Variants in MSR1 observed in about 807,000 individuals in gnomAD.
The protein encoded by MSR1 is macrophage scavenger receptor 1.
In MSR1, 53 loss-of-function variants were observed where a neutral mutation model predicts 47.2. The ratio of observed to expected loss-of-function variants is 1.12; its 90% CI spans 0.90 to 1.41. The LOEUF (loss-of-function observed/expected upper bound fraction) is 1.41, where lower values mean the gene tolerates loss of function less well. Ranked by LOEUF, MSR1 falls within the 40% of genes most tolerant of loss-of-function variation. MSR1 has a pLI of 0.00. For synonymous variants in MSR1, 239 were observed against 185.6 expected (o/e 1.29, Z -2.34); for missense variants, 786 against 546.9 (o/e 1.44, Z -4.36).
At chr8:16,127,867 T>C (rs888609107) in intron 8 of MSR1, among the ~76,000 whole-genome samples, 1 of 152,202 alleles carries the variant, frequency 6.6e-6, no homozygotes, top group Non-Finnish European at 1.5e-5. Flanking sequence ...AATATCTCCA[T>C]GGTGATTATT....
chr8:16,125,354 T>C (rs563972040), intron 8 of MSR1, among the ~76,000 whole-genome samples: 270 of 152,292 alleles, frequency 1.8e-3, no homozygotes, highest in African/African-American at 6.0e-3. Context: ...TTTATTAATT[T>C]ACAAAGAGAC....
At chr8:16,143,778 G>A (rs962671416) in intron 7 of MSR1, among the ~76,000 whole-genome samples, 167 bp from the exon 8 acceptor site, 4 of 151,924 alleles carry the variant, frequency 2.6e-5, no homozygotes, top group Non-Finnish European at 4.4e-5. Flanking sequence ...TATTACTTAG[G>A]AAGCTCCATT....
intron 8 of MSR1, among the ~76,000 whole-genome samples, chr8:16,128,842 A>G (rs1041864265): frequency 3.9e-5 from 6 of 152,144 alleles, no homozygotes; most frequent in African/African-American, 1.4e-4. Context: ...AAAATGACAT[A>G]AGTACTTACG....
intron 2 of MSR1, among the ~76,000 whole-genome samples, chr8:16,175,680 A>G (rs1388948232): frequency 6.6e-6 from 1 of 152,234 alleles, no homozygotes; most frequent in African/African-American, 2.4e-5. Flanking sequence ...TTTCTAAAGT[A>G]ACTATGCAAT....
chr8:16,120,940 T>A, intron 8 of MSR1: 1 of 346,706 alleles, frequency 2.9e-6, no homozygotes, highest in Non-Finnish European at 5.4e-6. Flanking sequence ...TTTCATACCA[T>A]TGAAAAATTA....
chr8:16,160,811 A>G (rs1467056963), intron 5 of MSR1, among the ~76,000 whole-genome samples: 1 of 151,964 alleles, frequency 6.6e-6, no homozygotes, highest in Non-Finnish European at 1.5e-5. Context: ...GTGGCACTTC[A>G]TTCTTCCACA....
At chr8:16,186,026 T>C (rs912664384) in intron 1 of MSR1, 23 of 754,062 alleles carry the variant, frequency 3.1e-5, no homozygotes, top group Non-Finnish European at 8.4e-6. Context: ...AAGAAATCCA[T>C]AACCTGCCAC....
chr8:16,112,035 A>C (rs1263372274), intron 9 of MSR1, among the ~76,000 whole-genome samples: 1 of 152,140 alleles, frequency 6.6e-6, no homozygotes, highest in Non-Finnish European at 1.5e-5. Context: ...GGGAGGGCTT[A>C]TGTTCTAGGT....
chr8:16,138,279 G>C (rs1417929964), intron 8 of MSR1, among the ~76,000 whole-genome samples: 1 of 152,240 alleles, frequency 6.6e-6, no homozygotes, highest in East Asian at 1.9e-4. Flanking sequence ...CCTCACACAA[G>C]TGTTGTATTG....
intron 8 of MSR1, among the ~76,000 whole-genome samples, chr8:16,138,930 TC>T (rs1800458103): frequency 2.0e-5 from 3 of 152,202 alleles, no homozygotes; most frequent in Admixed American, 2.0e-4. Context: ...CTTGGAATTT[TC>T]TCATCAGCAT....
rs965611078 is a variant in MSR1, at chr8:16,164,178, T to C, written c.704A>G (p.His235Arg). The change falls in exon 5 of 10, where the codon CAT (histidine) becomes CGT (arginine). Residue 235 changes from histidine (H) to arginine (R), a missense_variant. By Grantham distance (29) the His-to-Arg change is conservative. Coordinates refer to ENST00000262101, the MANE Select transcript of MSR1 (RefSeq NM_138715.3). ...TTCTCCTTTTATTTCCTGTTCCAAA[T>C]GCACTTGTTCTTCTTTCATAGCCAT... Reference protein sequence around the residue: ...EIMAMKEEQVHLEQEIKGEVK... With the variant: ...EIMAMKEEQVRLEQEIKGEVK... 4 of 1,612,234 alleles carry C rather than the reference T, an allele frequency of 2.5e-6. No homozygotes were observed. The highest frequency in any genetic ancestry group is 1.7e-5 in the Admixed American group (1 of 59,924).
intron 9 of MSR1, among the ~76,000 whole-genome samples, chr8:16,112,919 A>G (rs1056113177): frequency 7.7e-5 from 11 of 142,670 alleles, no homozygotes; most frequent in African/African-American, 2.9e-4. Flanking sequence ...GTAGGGATTG[A>G]TATTGATTAT....
At chr8:16,150,136 G>GTATATATATATATATA (rs1337193490) in intron 7 of MSR1, 95 bp downstream of exon 7, 6 of 190,188 alleles carry the variant, frequency 3.2e-5, no homozygotes, top group African/African-American at 2.4e-4. Flanking sequence ...GTATGTGTGT[G>GTATATATATATATATA]TGTGTATATA....
At position 16,151,239 on chromosome 8, in the gene MSR1, C is replaced by T. The variant is rs575653785; in HGVS notation, c.899-928G>A. Among the ~76,000 whole-genome samples, 5 of 152,194 alleles carry T rather than the reference C, an allele frequency of 3.3e-5. No individual in the cohort carries two copies. The South Asian group carries it at 1.0e-3, about 32-fold the overall frequency. ...CATAAGAGCATCAGAGAAGCCCCTC[C>T]AATGCTGACTTCTCAAGTACCTCAC... On this transcript the variant is annotated intron_variant, in intron 6 of 9. Transcript: ENST00000262101.
Position 16,168,672 on chromosome 8 carries a change from T to G in MSR1, c.416A>C (p.Glu139Ala), listed in dbSNP as rs1438266098. 1 of 1,614,076 alleles carries G rather than the reference T, an allele frequency of 6.2e-7. No individual in the cohort carries two copies. The highest frequency in any genetic ancestry group is 1.7e-5 in the Admixed American group (1 of 60,006). The change falls in exon 4 of 10, where the codon GAG becomes GCG. Residue 139 changes from glutamate to alanine, a missense_variant. Transcript: ENST00000262101. ...TGTCATGCTGAAATTTTGGAAATGC[T>G]CTGTGTCCATGAGGTTGGCTTCCAT... ...LDMEANLMDT[E>A]HFQNFSMTTD...
intron 8 of MSR1, chr8:16,140,054 G>T: frequency 1.1e-6 from 1 of 876,038 alleles, no homozygotes; most frequent in Non-Finnish European, 1.4e-6. Flanking sequence ...GTTATGTCCA[G>T]CTCATGGAGG....
intron 3 of MSR1, among the ~76,000 whole-genome samples, chr8:16,169,939 G>T (rs917887667): frequency 8.5e-5 from 13 of 152,060 alleles, no homozygotes; most frequent in Admixed American, 8.5e-4. Flanking sequence ...CTGAGCTGCT[G>T]ATAGATATCC....
rs116549723 is a variant in MSR1 at position 16,110,610 on chromosome 8, A to G, written c.1223-392T>C. 5.3e-3 allele frequency among the ~76,000 whole-genome samples: 812 copies of G among 152,230 alleles called. 10 individuals carry two copies. The highest frequency in any genetic ancestry group is 0.019 in the African/African-American group (781 of 41,550). ...ATGATCCAAGCGTATCTGTATGTCAAAGGGTCTTGGGGTATATTTGCACAT... is the reference window on the plus strand; with the variant it reads ...ATGATCCAAGCGTATCTGTATGTCAGAGGGTCTTGGGGTATATTTGCACAT... On this transcript the variant is annotated intron_variant, in intron 9 of 9. Transcript: ENST00000262101.
intron 8 of MSR1, among the ~76,000 whole-genome samples, chr8:16,126,605 A>G (rs1362460342): frequency 2.6e-5 from 4 of 152,214 alleles, no homozygotes; most frequent in Non-Finnish European, 5.9e-5. Flanking sequence ...CAAATATCAG[A>G]TACCTGAAGA....
Sources: allele counts gnomAD v4.1 joint callset (sites outside exome capture counted in the v4.1 genomes callset), GRCh38; gene constraint gnomAD v4.1.1; transcripts MANE v1.5; gene names NCBI Gene and HGNC (gene_info 2026-07-23, HGNC 2026-07-21).